Variants in MTARC2 observed in about 807,000 individuals in gnomAD.
The protein encoded by MTARC2 is MOCO sulphurase C-terminal domain containing 2.
MTARC2 carries 27 observed loss-of-function variants against 35.6 expected under a neutral mutation model. The observed-to-expected ratio is 0.76, with a 90% CI of 0.56 to 1.04. The LOEUF (loss-of-function observed/expected upper bound fraction) is 1.04, where lower values mean the gene tolerates loss of function less well. Among genes scored for constraint, MTARC2 ranks in the 50% least tolerant of loss-of-function variants. The pLI is 0.00. For missense variants in MTARC2, 412 were observed against 432.5 expected (o/e 0.95, Z 0.42); for synonymous variants, 158 against 167.1 (o/e 0.95, Z 0.42).
intron 4 of MTARC2, among the ~76,000 whole-genome samples, chr1:220,775,363 A>G (rs74387823): frequency 0.024 from 3,612 of 152,060 alleles, 108 homozygotes; most frequent in African/African-American, 0.064. Context: ...AAAACTCCAT[A>G]GTTTTATCCC....
chr1:220,769,977 G>A (rs950119282), intron 4 of MTARC2, among the ~76,000 whole-genome samples: 1 of 149,528 alleles, frequency 6.7e-6, no homozygotes, highest in East Asian at 2.1e-4. Context: ...CGTGATGGCG[G>A]GCGACTGTAG....
Position 220,774,104 on chromosome 1 carries a change from C to T in MTARC2, c.751-5914C>T, listed in dbSNP as rs200712766. 4.0e-4 allele frequency among the ~76,000 whole-genome samples: 60 copies of T among 150,558 alleles called. 2 individuals carry two copies. The East Asian group carries it at 9.7e-3, about 24-fold the overall frequency. ...TTTTTCAGACAGGGTCTCACCCTGT[C>T]GCCCATGCTGGAGTGCGGTGACGTG... is the stretch of plus-strand genomic sequence containing the variant. On this transcript the variant is annotated intron_variant, in intron 4 of 7. Coordinates refer to ENST00000366913, the MANE Select transcript of MTARC2 (RefSeq NM_017898.5).
intron 3 of MTARC2, 26 bp from the exon 4 acceptor site, chr1:220,762,883 GC>G (rs775182486): frequency 6.2e-7 from 1 of 1,613,530 alleles, no homozygotes. Flanking sequence ...GAGTGGTGGG[GC>G]CTGACTATCC....
chr1:220,779,219 A>G (rs1372035605), intron 4 of MTARC2, among the ~76,000 whole-genome samples: 2 of 152,210 alleles, frequency 1.3e-5, no homozygotes, highest in African/African-American at 4.8e-5. Flanking sequence ...TTATATATAT[A>G]ATACAATCTC....
At chr1:220,762,200 C>A (rs769547608) in intron 3 of MTARC2, among the ~76,000 whole-genome samples, 2 of 152,168 alleles carry the variant, frequency 1.3e-5, no homozygotes, top group Non-Finnish European at 2.9e-5. Flanking sequence ...TTGTTCTGAC[C>A]CGCCCCTCAC....
intron 4 of MTARC2, among the ~76,000 whole-genome samples, chr1:220,774,321 C>T (rs1180223003): frequency 6.6e-6 from 1 of 152,088 alleles, no homozygotes; most frequent in African/African-American, 2.4e-5. Context: ...GATTATTGCA[C>T]ATATGTCCCA....
chr1:220,783,724 G>T (rs1672143308), intron 7 of MTARC2, among the ~76,000 whole-genome samples, 195 bp from the exon 8 acceptor site: 1 of 152,208 alleles, frequency 6.6e-6, no homozygotes, highest in South Asian at 2.1e-4. Context: ...GAGAAACAAA[G>T]GCTTAGATAG....
At chr1:220,783,805 C>T in intron 7 of MTARC2, 114 bp from the exon 8 acceptor site, 1 of 704,224 alleles carries the variant, frequency 1.4e-6, no homozygotes, top group Non-Finnish European at 2.6e-6. Context: ...CACAGCACTG[C>T]ACCATACATT....
intron 4 of MTARC2, among the ~76,000 whole-genome samples, chr1:220,768,181 A>G (rs1258856944): frequency 6.6e-6 from 1 of 152,192 alleles, no homozygotes. Context: ...ACAACCCATT[A>G]TTGGGTTCTA....
chr1:220,781,731 T>C (rs1672076577), intron 6 of MTARC2, 47 bp from the exon 7 acceptor site: 1 of 1,606,536 alleles, frequency 6.2e-7, no homozygotes, highest in Non-Finnish European at 8.5e-7. Context: ...ATACTTCGAT[T>C]ATTATTTCCT....
At chr1:220,775,221 G>A (rs1671868232) in intron 4 of MTARC2, among the ~76,000 whole-genome samples, 1 of 139,736 alleles carries the variant, frequency 7.2e-6, no homozygotes, top group Non-Finnish European at 1.5e-5. Context: ...TCCTAATTTA[G>A]TATTTACAAG....
chr1:220,768,853 T>A (rs1232016257), intron 4 of MTARC2, among the ~76,000 whole-genome samples: 1 of 152,118 alleles, frequency 6.6e-6, no homozygotes, highest in Non-Finnish European at 1.5e-5. Context: ...AATGCAGGTG[T>A]CCCCTCCCTG....
rs573214177 is a variant in MTARC2 at position 220,759,438 on chromosome 1, G to A, written c.447-2220G>A. On this transcript the variant is annotated intron_variant, in intron 2 of 7. Transcript: ENST00000366913. The stretch of plus-strand genomic sequence containing the variant: ...GAGAAGATGGCATGGCAGAGGGAGC[G>A]ATACCATCCAGTGCAGGGATGGGAG... 6.5e-4 allele frequency among the ~76,000 whole-genome samples: 99 copies of A among 152,258 alleles called. 1 individual carries two copies. The highest frequency in any genetic ancestry group is 1.3e-3 in the Non-Finnish European group (89 of 68,028).
chr1:220,762,954 C>G lies in MTARC2; in HGVS notation c.654C>G (p.Ala218=), dbSNP rs555805753. The G allele has an allele frequency of 6.2e-7, 1 of 1,614,158 alleles. No individual in the cohort carries two copies. The highest frequency in any genetic ancestry group is 1.3e-5 in the African/African-American group (1 of 75,040). ...DYCPLLIMTD[A]SLVDLNTRME... is the part of the protein sequence containing the mutation. The stretch of plus-strand genomic sequence containing the variant: ...GCCCGCTCCTGATCATGACAGATGC[C>G]TCCCTGGTAGATTTGAATACCAGGA... Residue 218 remains alanine, a synonymous_variant, in exon 4 of 8, where the codon GCC becomes GCG. Coordinates refer to ENST00000366913, the MANE Select transcript of MTARC2 (RefSeq NM_017898.5).
chr1:220,748,669 G>A lies in MTARC2; in HGVS notation c.138G>A (p.Arg46=). The part of the protein sequence containing the change: ...GTVAWRRAWP[R]RRRRLQQVGT... ...TCGCCTGGCGCCGCGCATGGCCCAG[G>A]CGGCGCCGGCGGCTGCAGCAGGTGG... Residue 46 remains arginine (R), a synonymous_variant, in exon 1 of 8, where the codon AGG becomes AGA. Transcript: ENST00000366913. 6.3e-7 allele frequency: 1 copy of A among 1,578,600 alleles called. No individual in the cohort carries two copies. Among genetic ancestry groups the A allele is most frequent in the African/African-American group, 1.4e-5 (1 of 73,088 alleles).
Position 220,761,526 on chromosome 1 carries a change from C to T in MTARC2, c.447-132C>T, listed in dbSNP as rs1671435365. The stretch of plus-strand genomic sequence containing the variant: ...TCCTTTCTCTTGCACTTCTGCCCAG[C>T]TTTGACCCAGGGACCACTTAACAGC... On this transcript the variant is annotated intron_variant, in intron 2 of 7. Coordinates refer to ENST00000366913, the MANE Select transcript of MTARC2 (RefSeq NM_017898.5). 3.8e-6 allele frequency: 3 copies of T among 797,748 alleles called. No homozygotes were observed. In the African/African-American group the frequency reaches 5.2e-5, roughly 14 times the overall value. 49.4% of individuals were successfully genotyped at this position (797,748 alleles called of 1,614,324 possible). A position where few individuals can be genotyped will look rare whatever the true frequency, so the allele number is the denominator to read the frequency against.
At chr1:220,773,582 A>G (rs754213302) in intron 4 of MTARC2, among the ~76,000 whole-genome samples, 20 of 152,120 alleles carry the variant, frequency 1.3e-4, no homozygotes, top group Non-Finnish European at 2.6e-4. Flanking sequence ...GATGGGGGGC[A>G]GTCTTGTAGG....
Position 220,758,013 on chromosome 1 carries a change from C to A in MTARC2, c.446+2893C>A, listed in dbSNP as rs1671328467. Among the ~76,000 whole-genome samples, 5 of 151,958 alleles carry A rather than the reference C, an allele frequency of 3.3e-5. No homozygotes were observed. The South Asian group carries it at 1.0e-3, about 32-fold the overall frequency. ...ATTATTATTATTTTTGAGATGGAGT[C>A]TCGCTCTGTCACCCGGGCTGGAGTG... On this transcript the variant is annotated intron_variant, in intron 2 of 7. Transcript: ENST00000366913.
At chr1:220,767,343 A>G (rs1278156747) in intron 4 of MTARC2, among the ~76,000 whole-genome samples, 5 of 152,240 alleles carry the variant, frequency 3.3e-5, no homozygotes, top group African/African-American at 1.2e-4. Flanking sequence ...TAATCATTAA[A>G]AATTAGCAAA....
Sources: allele counts gnomAD v4.1 joint callset (sites outside exome capture counted in the v4.1 genomes callset), GRCh38; gene constraint gnomAD v4.1.1; transcripts MANE v1.5; gene names NCBI Gene and HGNC (gene_info 2026-07-23, HGNC 2026-07-21).